MARCHF7: variants seen among roughly 807,000 people sequenced by gnomAD.
The protein encoded by MARCHF7 is membrane associated ring-CH-type finger 7.
In MARCHF7, 20 loss-of-function variants were observed where a neutral mutation model predicts 76.5. The ratio of observed to expected loss-of-function variants is 0.26; its 90% CI spans 0.18 to 0.38. The LOEUF (loss-of-function observed/expected upper bound fraction) is 0.38, where lower values mean the gene tolerates loss of function less well. Among genes scored for constraint, MARCHF7 ranks in the 10% least tolerant of loss-of-function variants. The probability of loss-of-function intolerance (pLI) is 1.00; values close to 1 mark genes in which losing one functional copy is unlikely to be tolerated. For synonymous variants in MARCHF7, 295 were observed against 293.0 expected, an observed-to-expected ratio of 1.01 and a Z score of -0.07; for missense variants, 797 against 812.9, an observed-to-expected ratio of 0.98 and a Z score of 0.24.
At chr2:159,746,186 C>T (rs7567818) in intron 6 of MARCHF7, among the ~76,000 whole-genome samples, 52,360 of 151,972 alleles carry the variant, frequency 0.34, 9,234 homozygotes, top group South Asian at 0.44. Context: ...CTTTTAAGAA[C>T]GTCTGTTAGA....
chr2:159,745,961 T>A (rs529667953), intron 6 of MARCHF7, 24 bp downstream of exon 6: 1 of 1,580,224 alleles, frequency 6.3e-7, no homozygotes, highest in African/African-American at 1.4e-5. Flanking sequence ...ACATCAAGTA[T>A]AACTTCTCAT....
At chr2:159,746,899 AT>A (rs1433964894) in intron 6 of MARCHF7, among the ~76,000 whole-genome samples, 1 of 152,186 alleles carries the variant, frequency 6.6e-6, no homozygotes, top group Admixed American at 6.5e-5. Context: ...AAATGAAAAC[AT>A]TTTATCTGCT....
intron 3 of MARCHF7, among the ~76,000 whole-genome samples, chr2:159,719,466 C>G (rs1180437587): frequency 1.3e-5 from 2 of 152,130 alleles, no homozygotes; most frequent in Non-Finnish European, 2.9e-5. Context: ...TAATTGCCTC[C>G]CTTCCCAGTT....
intron 3 of MARCHF7, among the ~76,000 whole-genome samples, chr2:159,719,352 C>T (rs1701374466): frequency 6.6e-6 from 1 of 152,044 alleles, no homozygotes. Flanking sequence ...TTTTCAAAAC[C>T]AACTAATCTT....
intron 8 of MARCHF7, among the ~76,000 whole-genome samples, chr2:159,757,124 G>C (rs1706427453): frequency 6.6e-6 from 1 of 152,096 alleles, no homozygotes; most frequent in Non-Finnish European, 1.5e-5. Context: ...CGAACTCCTT[G>C]CCTCAAGTGA....
intron 4 of MARCHF7, among the ~76,000 whole-genome samples, chr2:159,742,598 A>G (rs1406797710): frequency 6.6e-6 from 1 of 152,164 alleles, no homozygotes; most frequent in African/African-American, 2.4e-5. Flanking sequence ...GCAAAGTACA[A>G]TTATAGTGTA....
At chr2:159,724,639 T>G (rs766043615) in intron 3 of MARCHF7, among the ~76,000 whole-genome samples, 8 of 152,222 alleles carry the variant, frequency 5.3e-5, no homozygotes, top group Non-Finnish European at 1.2e-4. Context: ...ATAAGCTCTT[T>G]ATAATGCTGT....
chr2:159,746,772 T>C (rs1704945977), intron 6 of MARCHF7, among the ~76,000 whole-genome samples: 1 of 152,182 alleles, frequency 6.6e-6, no homozygotes, highest in African/African-American at 2.4e-5. Flanking sequence ...CTAATTGAAG[T>C]TGACAAATAT....
chr2:159,734,009 T>G, intron 4 of MARCHF7: 1 of 1,347,192 alleles, frequency 7.4e-7, no homozygotes, highest in Non-Finnish European at 9.7e-7. Flanking sequence ...CTGTTACTTC[T>G]GCTATCCCAT....
chr2:159,747,718 T>C, intron 6 of MARCHF7, 87 bp from the exon 7 acceptor site: 1 of 1,271,824 alleles, frequency 7.9e-7, no homozygotes, highest in South Asian at 1.5e-5. Flanking sequence ...TTGAATCCAG[T>C]GCTTCGTTTT....
chr2:159,738,858 C>T (rs1347263324), intron 4 of MARCHF7, among the ~76,000 whole-genome samples: 2 of 152,226 alleles, frequency 1.3e-5, no homozygotes, highest in African/African-American at 4.8e-5. Context: ...CACCCAGGAG[C>T]ATGTCTGCCT....
chr2:159,764,007 G>A (rs1707414479), intron 10 of MARCHF7, among the ~76,000 whole-genome samples: 1 of 152,098 alleles, frequency 6.6e-6, no homozygotes, highest in Admixed American at 6.5e-5. Flanking sequence ...GGTACCTTAA[G>A]TCTTCAGGAT....
At chr2:159,752,617 A>G (rs1050215081) in intron 8 of MARCHF7, 46 bp downstream of exon 8, 1 of 1,395,506 alleles carries the variant, frequency 7.2e-7, no homozygotes, top group South Asian at 1.7e-5. Flanking sequence ...TAAGAGATGC[A>G]TGTATGTATG....
intron 3 of MARCHF7, among the ~76,000 whole-genome samples, chr2:159,723,609 C>G (rs1165344966): frequency 6.6e-6 from 1 of 152,144 alleles, no homozygotes; most frequent in African/African-American, 2.4e-5. Context: ...ACTGTTATTT[C>G]ATGGTTTTTC....
intron 7 of MARCHF7, among the ~76,000 whole-genome samples, chr2:159,749,150 A>C (rs1317168774): frequency 6.6e-6 from 1 of 150,936 alleles, no homozygotes; most frequent in Non-Finnish European, 1.5e-5. Context: ...GGCTAATTTT[A>C]GAATTTTAGT....
chr2:159,745,047 C>G (rs1704678034), intron 5 of MARCHF7, among the ~76,000 whole-genome samples: 1 of 152,120 alleles, frequency 6.6e-6, no homozygotes, highest in Non-Finnish European at 1.5e-5. Flanking sequence ...TCACATCTTC[C>G]CTTTCCGGAT....
At chr2:159,736,805 TA>T (rs1703512761) in intron 4 of MARCHF7, among the ~76,000 whole-genome samples, 1 of 152,200 alleles carries the variant, frequency 6.6e-6, no homozygotes, top group African/African-American at 2.4e-5. Context: ...AGTTATTTTC[TA>T]TTCATTGTGC....
intron 10 of MARCHF7, among the ~76,000 whole-genome samples, chr2:159,764,239 T>A (rs959295276): frequency 6.8e-6 from 1 of 147,852 alleles, no homozygotes; most frequent in South Asian, 2.2e-4. Flanking sequence ...TGTGTGTGTG[T>A]GTGTGTGTGT....
intron 4 of MARCHF7, among the ~76,000 whole-genome samples, chr2:159,735,511 AC>A (rs1456137172): frequency 6.6e-6 from 1 of 152,192 alleles, no homozygotes; most frequent in African/African-American, 2.4e-5. Context: ...GTGCAAAGCA[AC>A]CATTAATCTA....
Sources: gnomAD v4.1 joint callset for allele counts (sites outside exome capture counted in the v4.1 genomes callset) on GRCh38, gnomAD v4.1.1 for gene constraint, MANE v1.5 for transcripts, NCBI Gene and HGNC (gene_info 2026-07-23, HGNC 2026-07-21) for gene names.